SCEL: variants seen among roughly 807,000 people sequenced by gnomAD.
The protein encoded by SCEL is sciellin.
Under a neutral mutation model 117.6 loss-of-function variants are expected in SCEL, and 113 were observed. The observed-to-expected ratio is 0.96, with a 90% confidence interval of 0.83 to 1.12. SCEL has a LOEUF of 1.12. Ranked by LOEUF, SCEL falls within the 50% of genes most tolerant of loss-of-function variation. The pLI is 0.00. For missense variants in SCEL, 785 were observed against 810.8 expected, an observed-to-expected ratio of 0.97 and a Z score of 0.39; for synonymous variants, 270 against 256.2, an observed-to-expected ratio of 1.05 and a Z score of -0.51.
chr13:77,568,461 GA>G lies in SCEL; in HGVS notation c.398+130del, dbSNP rs1165717245. On this transcript the variant is annotated intron_variant, in intron 7 of 32. Coordinates refer to ENST00000349847, the MANE Select transcript of SCEL (RefSeq NM_144777.3). The stretch of plus-strand genomic sequence containing the variant: ...ATTGCTCTGGCAGAGTTGAGTAGTA[GA>G]AGACAATACCAAAATGGTCTGTAAA... 9.2e-4 allele frequency: 533 copies of G among 582,134 alleles called. 4 individuals are homozygous for G. Among genetic ancestry groups the G allele is most frequent in the African/African-American group, 9.1e-3 (465 of 50,996 alleles). The allele number at this position is 582,134 out of a possible 1,614,324, so 36.1% of individuals were successfully genotyped here.
chr13:77,598,287 A>C lies in SCEL; in HGVS notation c.797+698A>C, dbSNP rs547540331. Among the ~76,000 whole-genome samples, 12 of 152,340 alleles carry C rather than the reference A, an allele frequency of 7.9e-5. No individual in the cohort carries two copies. The East Asian group carries it at 2.3e-3, about 29-fold the overall frequency. ...TAAGTATAATGTAAGCAAGCTCTCTATTACTTTGCATACTAACCCACTAAA... is the reference window on the plus strand; with the variant it reads ...TAAGTATAATGTAAGCAAGCTCTCTCTTACTTTGCATACTAACCCACTAAA... On this transcript the variant is annotated intron_variant, in intron 13 of 32. Transcript: ENST00000349847.
At position 77,602,872 on chromosome 13, in the gene SCEL, A is replaced by G. The variant is rs2087817959; in HGVS notation, c.1037+159A>G. 9.3e-6 allele frequency: 6 copies of G among 643,838 alleles called. No individual in the cohort carries two copies. The South Asian group carries it at 1.4e-4, about 15-fold the overall frequency. The allele number at this position is 643,838 out of a possible 1,614,324, so 39.9% of individuals were successfully genotyped here. ...AGAATCTACAGTATATTCGATCTAAATTTACATTTACATATAGCCCAATAA... is the reference window on the plus strand; with the variant it reads ...AGAATCTACAGTATATTCGATCTAAGTTTACATTTACATATAGCCCAATAA... On this transcript the variant is annotated intron_variant, in intron 17 of 32. Coordinates refer to ENST00000349847, the MANE Select transcript of SCEL (RefSeq NM_144777.3).
chr13:77,555,898 A>C lies in SCEL; in HGVS notation c.23A>C (p.Lys8Thr). The C allele has an allele frequency of 6.2e-7, 1 of 1,613,622 alleles. No individual in the cohort carries two copies. Among genetic ancestry groups the C allele is most frequent in the Non-Finnish European group, 8.5e-7 (1 of 1,179,648 alleles). MSNVTLR[K>T]MSPTGNEMKS... ...AGCATGTCCAATGTTACCTTGAGAA[A>C]AATGTCTCCCACAGGAAATGGTAAT... The change falls in exon 2 of 33, where the codon AAA becomes ACA. Residue 8 changes from lysine to threonine, a missense_variant. Transcript: ENST00000349847.
intron 1 of SCEL, among the ~76,000 whole-genome samples, chr13:77,540,312 C>T (rs1213386210): frequency 6.6e-6 from 1 of 152,054 alleles, no homozygotes; most frequent in African/African-American, 2.4e-5. Flanking sequence ...TTGGCCACTG[C>T]TCTTAAGATG....
intron 31 of SCEL, among the ~76,000 whole-genome samples, chr13:77,641,639 AT>A (rs1323881936): frequency 6.6e-6 from 1 of 152,150 alleles, no homozygotes; most frequent in African/African-American, 2.4e-5. Context: ...GGGCATTGGT[AT>A]TTTTAAAAAG....
rs753130152 is a variant in SCEL, at chr13:77,556,593, T to C, written c.44-3T>C. ...TTCCAGTCTTTCATGTTTCTGTTGA[T>C]AGAGATGAAGAGCACCACTCAGGGA... On this transcript the variant is annotated splice_region_variant and splice_polypyrimidine_tract_variant and intron_variant, in intron 2 of 32. Coordinates refer to ENST00000349847, the MANE Select transcript of SCEL (RefSeq NM_144777.3). 5.6e-6 allele frequency: 9 copies of C among 1,610,780 alleles called. No homozygotes were observed. Among genetic ancestry groups the C allele is most frequent in the South Asian group, 1.1e-5 (1 of 91,020 alleles).
chr13:77,626,502 A>AATCTCCAT (rs2089740279), intron 27 of SCEL, among the ~76,000 whole-genome samples: 1 of 152,168 alleles, frequency 6.6e-6, no homozygotes, highest in African/African-American at 2.4e-5. Context: ...CTCAAATTAT[A>AATCTCCAT]ATCTCCACAT....
chr13:77,599,224 C>A, intron 13 of SCEL, 105 bp from the exon 14 acceptor site: 1 of 759,298 alleles, frequency 1.3e-6, no homozygotes, highest in Non-Finnish European at 2.2e-6. Context: ...TCTTCCCCAA[C>A]AAGCTTCTGT....
chr13:77,591,443 T>A lies in SCEL; in HGVS notation c.675T>A (p.Ser225=). 2 of 1,575,224 alleles carry A rather than the reference T, an allele frequency of 1.3e-6. No individual in the cohort carries two copies. Among genetic ancestry groups the A allele is most frequent in the Non-Finnish European group, 1.7e-6 (2 of 1,146,232 alleles). The stretch of plus-strand genomic sequence containing the variant: ...GTGTATATACAGAAACCAACAGATC[T>A]GCTGAAAGAAATATAAGGTACACTG... ...KPGVYTETNR[S]AERNIRSQDL... The change falls in exon 11 of 33, where the codon TCT becomes TCA. Residue 225 remains serine, a synonymous_variant. Coordinates refer to ENST00000349847, the MANE Select transcript of SCEL (RefSeq NM_144777.3).
intron 9 of SCEL, among the ~76,000 whole-genome samples, chr13:77,587,688 T>A (rs1263183459): frequency 6.6e-6 from 1 of 152,220 alleles, no homozygotes; most frequent in East Asian, 1.9e-4. Flanking sequence ...TTGAAACTTT[T>A]CTCGCTTGGC....
intron 28 of SCEL, among the ~76,000 whole-genome samples, chr13:77,629,611 A>T (rs1357300925): frequency 1.3e-5 from 2 of 152,192 alleles, no homozygotes; most frequent in African/African-American, 4.8e-5. Context: ...GGAAAGTTCC[A>T]CTTTGCCCTC....
At chr13:77,597,684 G>A (rs1336813730) in intron 13 of SCEL, 95 bp downstream of exon 13, 5 of 582,326 alleles carry the variant, frequency 8.6e-6, no homozygotes, top group South Asian at 4.8e-5. Context: ...CACATACCAG[G>A]GTAGTCAAAA....
intron 1 of SCEL, among the ~76,000 whole-genome samples, chr13:77,541,164 G>A (rs1339304637): frequency 6.6e-6 from 1 of 151,966 alleles, no homozygotes; most frequent in Non-Finnish European, 1.5e-5. Flanking sequence ...AAAGATGAAT[G>A]TTCCTGACAT....
intron 29 of SCEL, among the ~76,000 whole-genome samples, chr13:77,635,542 T>C (rs935465379): frequency 4.6e-5 from 7 of 152,212 alleles, no homozygotes; most frequent in Non-Finnish European, 1.0e-4. Context: ...TAAAGAAATT[T>C]CTTATGGGAA....
chr13:77,608,211 A>G lies in SCEL; in HGVS notation c.1217+96A>G, dbSNP rs144698081. On this transcript the variant is annotated intron_variant, in intron 20 of 32. Transcript: ENST00000349847. ...GTTGAAAAACCTTTGGATTGGGATC[A>G]GAAAGGCTGAACCCCATTACTTACC... 6.7e-4 allele frequency: 608 copies of G among 910,148 alleles called. 2 individuals carry two copies. In the African/African-American group the frequency reaches 8.6e-3, roughly 13 times the overall value. The allele number at this position is 910,148 out of a possible 1,614,324, so 56.4% of individuals were successfully genotyped here. A position where few individuals can be genotyped will look rare whatever the true frequency, so the allele number is the denominator to read the frequency against.
At chr13:77,570,607 C>T (rs922339644) in intron 8 of SCEL, among the ~76,000 whole-genome samples, 2 of 152,174 alleles carry the variant, frequency 1.3e-5, no homozygotes, top group Non-Finnish European at 2.9e-5. Flanking sequence ...CCTACTTAAA[C>T]AATTTAAATC....
intron 12 of SCEL, chr13:77,597,187 CT>C (rs1465182768): frequency 4.3e-6 from 1 of 232,120 alleles, no homozygotes; most frequent in African/African-American, 2.4e-5. Flanking sequence ...AAATACAGTT[CT>C]AAATTTTAAG....
intron 1 of SCEL, among the ~76,000 whole-genome samples, chr13:77,545,193 C>G (rs1016209676): frequency 1.1e-4 from 17 of 152,100 alleles, no homozygotes; most frequent in African/African-American, 4.1e-4. Flanking sequence ...TTTGAAAAGC[C>G]AAGATTAGAG....
intron 25 of SCEL, 47 bp from the exon 26 acceptor site, chr13:77,617,756 A>G: frequency 6.5e-7 from 1 of 1,536,518 alleles, no homozygotes; most frequent in Non-Finnish European, 9.0e-7. Flanking sequence ...ATATTACCAA[A>G]AGAACTTCAA....
Sources: gnomAD v4.1 joint callset for allele counts (sites outside exome capture counted in the v4.1 genomes callset) on GRCh38, gnomAD v4.1.1 for gene constraint, MANE v1.5 for transcripts, NCBI Gene and HGNC (gene_info 2026-07-23, HGNC 2026-07-21) for gene names.